Variants in NUP62CL observed in about 807,000 individuals in gnomAD.
NUP62CL encodes the protein nucleoporin 62 C-terminal like.
Under a neutral mutation model 15.3 loss-of-function variants are expected in NUP62CL, and 13 were observed. The ratio of observed to expected loss-of-function variants is 0.85; its 90% CI spans 0.55 to 1.35. The LOEUF (loss-of-function observed/expected upper bound fraction) is 1.35. Ranked by LOEUF, NUP62CL falls within the 40% of genes most tolerant of loss-of-function variation. The probability of loss-of-function intolerance (pLI) is 0.00; values close to 1 mark genes in which losing one functional copy is unlikely to be tolerated. For synonymous variants in NUP62CL, 54 were observed against 49.2 expected (o/e 1.10, Z -0.41); for missense variants, 123 against 130.6 (o/e 0.94, Z 0.28).
At chrX:107,204,967 A>AAATAAATTATTTATTTAAATAAATTTTT (rs1927637719) in intron 1 of NUP62CL, among the ~76,000 whole-genome samples, 27 of 108,369 alleles carry the variant, frequency 2.5e-4, no homozygotes, top group African/African-American at 8.3e-4. Context: ...AATAAATTTT[A>AAATAAATTATTTATTTAAATAAATTTTT]AATAAAGTGC....
intron 8 of NUP62CL, among the ~76,000 whole-genome samples, chrX:107,125,384 T>G (rs182717567): frequency 1.8e-5 from 2 of 111,223 alleles, no homozygotes; most frequent in East Asian, 5.6e-4. Flanking sequence ...AAAGTTATAT[T>G]TGGTTTTTTA....
intron 4 of NUP62CL, among the ~76,000 whole-genome samples, chrX:107,155,419 C>G (rs1419227169): frequency 8.9e-6 from 1 of 112,621 alleles, no homozygotes; most frequent in Non-Finnish European, 1.9e-5. Context: ...TCCCCCTGAT[C>G]TGGGGGCTCC....
At chrX:107,198,682 A>T (rs1034712922) in intron 1 of NUP62CL, among the ~76,000 whole-genome samples, 6 of 111,448 alleles carry the variant, frequency 5.4e-5, no homozygotes, top group Middle Eastern at 4.6e-3. Context: ...AACTCCAGAC[A>T]CACTGCCTTT....
chrX:107,147,758 T>G lies in NUP62CL; in HGVS notation c.*27A>C. ...AAACTCCCACCTGAATTCCGATCAA[T>G]CCACTGCAGGGAGTCCATATGGGCA... is the stretch of plus-strand genomic sequence containing the variant. On this transcript the variant is annotated 3_prime_UTR_variant, in exon 8 of 9. Coordinates refer to ENST00000372466, the MANE Select transcript of NUP62CL (RefSeq NM_017681.3). 8.5e-7 allele frequency: 1 copy of G among 1,179,936 alleles called. No homozygotes were observed. Among genetic ancestry groups the G allele is most frequent in the Non-Finnish European group, 1.2e-6 (1 of 867,254 alleles).
At chrX:107,145,809 T>C (rs1925870204) in intron 8 of NUP62CL, among the ~76,000 whole-genome samples, 1 of 111,697 alleles carries the variant, frequency 9.0e-6, no homozygotes, top group Admixed American at 9.5e-5. Context: ...TATCCACTTA[T>C]TTTTGTTTGC....
intron 1 of NUP62CL, among the ~76,000 whole-genome samples, chrX:107,194,067 A>C (rs1408913384): frequency 9.0e-6 from 1 of 111,166 alleles, no homozygotes; most frequent in Non-Finnish European, 1.9e-5. Flanking sequence ...TAAATAAATA[A>C]GAAAGATGGA....
Position 107,182,149 on chromosome X carries a change from T to C in NUP62CL, c.-47-6956A>G, listed in dbSNP as rs1236557349. On this transcript the variant is annotated intron_variant, in intron 2 of 8. Transcript: ENST00000372466. ...ATTTGCTTTTAAGTTAAATGAATCT[T>C]AGAAAAGGATTTAAGAGACAAAAAC... Among the ~76,000 whole-genome samples, 3 of 112,439 alleles carry C rather than the reference T, an allele frequency of 2.7e-5. No homozygotes were observed. The East Asian group carries it at 8.4e-4, about 31-fold the overall frequency.
chrX:107,198,865 AG>A (rs1315101516), intron 1 of NUP62CL, among the ~76,000 whole-genome samples: 2 of 112,607 alleles, frequency 1.8e-5, no homozygotes, highest in Non-Finnish European at 3.7e-5. Flanking sequence ...ACCCACCAGA[AG>A]GAACCAATTC....
At chrX:107,189,906 A>AAAGAAAGAAAGAAAGAAAGAAAGG (rs1927188335) in intron 2 of NUP62CL, among the ~76,000 whole-genome samples, 1 of 99,811 alleles carries the variant, frequency 1.0e-5, no homozygotes, top group African/African-American at 4.1e-5. Context: ...AGAAAGAAAG[A>AAAGAAAGAAAGAAAGAAAGAAAGG]AAGAAAGAAA....
intron 3 of NUP62CL, among the ~76,000 whole-genome samples, chrX:107,173,135 A>AC (rs1441365861): frequency 2.3e-4 from 26 of 112,618 alleles, no homozygotes; most frequent in African/African-American, 8.4e-4. Context: ...CATAATATTA[A>AC]CTATTACCCT....
intron 8 of NUP62CL, among the ~76,000 whole-genome samples, chrX:107,144,344 A>G (rs1178401564): frequency 8.9e-6 from 1 of 111,992 alleles, no homozygotes; most frequent in Non-Finnish European, 1.9e-5. Flanking sequence ...ATAATAAGGA[A>G]GTCTGGATCC....
At chrX:107,160,182 A>G (rs376887298) in intron 4 of NUP62CL, among the ~76,000 whole-genome samples, 433 of 69,655 alleles carry the variant, frequency 6.2e-3, no homozygotes, top group African/African-American at 0.012. Flanking sequence ...GGAAGAATCA[A>G]TATCGTGAAA....
intron 1 of NUP62CL, among the ~76,000 whole-genome samples, chrX:107,204,784 T>TTTAAATAAATTATTTAAATAAATA (rs1569369162): frequency 1.1e-4 from 9 of 80,265 alleles, no homozygotes; most frequent in East Asian, 8.2e-4. Context: ...TTAAATAAAT[T>TTTAAATAAATTATTTAAATAAATA]TTAAATAAAT....
At position 107,176,267 on chromosome X, in the gene NUP62CL, T is replaced by C. The variant is rs139280615; in HGVS notation, c.-47-1074A>G. On this transcript the variant is annotated intron_variant, in intron 2 of 8. Coordinates refer to ENST00000372466, the MANE Select transcript of NUP62CL (RefSeq NM_017681.3). ...GCTTTATGAGAATAACAATTTAGGGTGTAAGTCGGATAGTTTATCAGAGAT... is the reference window on the plus strand; with the variant it reads ...GCTTTATGAGAATAACAATTTAGGGCGTAAGTCGGATAGTTTATCAGAGAT... Among the ~76,000 whole-genome samples, 17 of 111,142 alleles carry C rather than the reference T, an allele frequency of 1.5e-4. 1 individual carries two copies. The East Asian group carries it at 4.8e-3, about 31-fold the overall frequency.
chrX:107,160,685 G>A (rs879184906), intron 4 of NUP62CL, among the ~76,000 whole-genome samples: 7 of 109,245 alleles, frequency 6.4e-5, no homozygotes, highest in East Asian at 2.9e-4. Flanking sequence ...ACCCTAGAAG[G>A]AAACCTAGGC....
intron 2 of NUP62CL, among the ~76,000 whole-genome samples, chrX:107,182,442 A>G (rs1926941236): frequency 8.9e-6 from 1 of 112,380 alleles, no homozygotes; most frequent in South Asian, 3.7e-4. Context: ...TGCTATAAGG[A>G]TCCCAAAATC....
At position 107,139,250 on chromosome X, in the gene NUP62CL, T is replaced by C. The variant is rs1308663476; in HGVS notation, c.*42+8493A>G. ...GAGGAAATGTGGTATGAAACTGTTC[T>C]GTATCTTGACTATGGTGGTAGATAT... On this transcript the variant is annotated intron_variant, in intron 8 of 8. Transcript: ENST00000372466. Among the ~76,000 whole-genome samples the C allele has an allele frequency of 2.7e-5, 3 of 111,314 alleles. No homozygotes were observed. The Admixed American group carries it at 2.9e-4, about 11-fold the overall frequency.
intron 8 of NUP62CL, among the ~76,000 whole-genome samples, chrX:107,133,303 C>A (rs775429779): frequency 9.0e-6 from 1 of 110,507 alleles, no homozygotes; most frequent in Non-Finnish European, 1.9e-5. Context: ...TCTGGGCCCA[C>A]GTGGATAATC....
At chrX:107,195,272 A>T (rs1421462961) in intron 1 of NUP62CL, among the ~76,000 whole-genome samples, 1 of 111,960 alleles carries the variant, frequency 8.9e-6, no homozygotes, top group Non-Finnish European at 1.9e-5. Context: ...TTTGTCTCCC[A>T]TTTCAGCATA....
Sources: allele counts gnomAD v4.1 joint callset (sites outside exome capture counted in the v4.1 genomes callset), GRCh38; gene constraint gnomAD v4.1.1; transcripts MANE v1.5; gene names NCBI Gene and HGNC (gene_info 2026-07-23, HGNC 2026-07-21).